The following CARD6 variants were observed in gnomAD, a reference collection of about 807,000 sequenced individuals.
CARD6 encodes the protein caspase recruitment domain family member 6, also known as caspase recruitment domain-containing protein 6.
In CARD6, 27 loss-of-function variants were observed where a neutral mutation model predicts 23.6. That is an observed-to-expected ratio of 1.14 (90% confidence interval 0.84 to 1.58). The LOEUF (loss-of-function observed/expected upper bound fraction) is 1.58, where lower values mean the gene tolerates loss of function less well. Among genes scored for constraint, CARD6 ranks in the 40% most tolerant of loss-of-function variants. CARD6 has a pLI of 0.00. For missense variants in CARD6, 1,214 were observed against 1,209.9 expected, an observed-to-expected ratio of 1.00 and a Z score of -0.05; for synonymous variants, 397 against 431.8, an observed-to-expected ratio of 0.92 and a Z score of 1.00.
rs1009913002 is a variant in CARD6 at position 40,853,465 on chromosome 5, C to T, written c.2133C>T (p.Leu711=). The change falls in exon 3 of 3, where the codon CTC becomes CTT. Residue 711 remains leucine (L), a synonymous_variant. Transcript: ENST00000254691. ...PIQEPGTQCE[L]SQNLQNLYGT... is the part of the protein sequence containing the mutation. ...AAGAGCCTGGGACTCAATGTGAGCTCAGCCAGAATCTTCAGAATCTCTATG... is the reference window on the plus strand; with the variant it reads ...AAGAGCCTGGGACTCAATGTGAGCTTAGCCAGAATCTTCAGAATCTCTATG... The T allele has an allele frequency of 5.3e-5, 85 of 1,614,096 alleles. No homozygotes were observed. Among genetic ancestry groups the T allele is most frequent in the Non-Finnish European group, 6.8e-5 (80 of 1,180,046 alleles).
In CARD6 at chr5:40,841,379, A is replaced by G; in HGVS notation, c.-4A>G. ...TATTTCCTGGTTTAGAGGAAACAGG[A>G]ACAATGGCTACCGAGAGTACTCCCT... On this transcript the variant is annotated 5_prime_UTR_variant, in exon 1 of 3. Transcript: ENST00000254691. The G allele has an allele frequency of 6.3e-7, 1 of 1,589,008 alleles. No homozygotes were observed. The highest frequency in any genetic ancestry group is 8.5e-7 in the Non-Finnish European group (1 of 1,171,012).
rs1376445488 is a variant in CARD6 at position 40,853,265 on chromosome 5, G to A, written c.1933G>A (p.Asp645Asn). The change falls in exon 3 of 3, where the codon GAT (aspartate) becomes AAT (asparagine). Residue 645 changes from aspartate to asparagine, a missense_variant. Transcript: ENST00000254691. ...SSCLRCVSVEDMAALARELGI... is the reference protein window; with the variant it reads ...SSCLRCVSVENMAALARELGI... The stretch of plus-strand genomic sequence containing the variant: ...TTGCCTCAGATGTGTGTCTGTGGAG[G>A]ATATGGCCGCCCTGGCCAGGGAGCT... 6.2e-7 allele frequency: 1 copy of A among 1,614,074 alleles called. No homozygotes were observed. Among genetic ancestry groups the A allele is most frequent in the Non-Finnish European group, 8.5e-7 (1 of 1,180,036 alleles).
Position 40,841,813 on chromosome 5 carries a change from C to T in CARD6, c.283+148C>T, listed in dbSNP as rs1745866869. On this transcript the variant is annotated intron_variant, in intron 1 of 2. Transcript: ENST00000254691. ...CATTGAAATATGAAATAGGGAAAAA[C>T]TGGAATTTAAAAAGTTTCTGAAATT... is the stretch of plus-strand genomic sequence containing the variant. The T allele has an allele frequency of 1.4e-5, 10 of 705,394 alleles. No individual in the cohort carries two copies. The South Asian group carries it at 1.8e-4, about 12-fold the overall frequency. 43.7% of individuals were successfully genotyped at this position (705,394 alleles called of 1,614,324 possible). A position where few individuals can be genotyped will look rare whatever the true frequency, so the allele number is the denominator to read the frequency against.
At chr5:40,844,118 T>C (rs1579800732) in intron 2 of CARD6, among the ~76,000 whole-genome samples, 1 of 152,224 alleles carries the variant, frequency 6.6e-6, no homozygotes, top group African/African-American at 2.4e-5. Context: ...GGTTTGACTA[T>C]TTAAGTGAAA....
At chr5:40,851,666 A>C (rs180870111) in intron 2 of CARD6, among the ~76,000 whole-genome samples, 1 of 151,872 alleles carries the variant, frequency 6.6e-6, no homozygotes, top group Non-Finnish European at 1.5e-5. Flanking sequence ...AAATACAAAA[A>C]TTAGCCGGGC....
At position 40,852,882 on chromosome 5, in the gene CARD6, G is replaced by T. The variant is rs774841187; in HGVS notation, c.1550G>T (p.Arg517Ile). ...ITWCFPDSDD[R>I]KENPFFQKPV... is the part of the protein sequence containing the mutation. ...TGGTGTTTTCCTGATAGCGATGATA[G>T]AAAGGAAAACCCCTTTTTCCAAAAG... Residue 517 changes from arginine to isoleucine, a missense_variant, in exon 3 of 3, where the codon AGA (arginine) becomes ATA (isoleucine). Coordinates refer to ENST00000254691, the MANE Select transcript of CARD6 (RefSeq NM_032587.4). 1 of 1,613,894 alleles carries T rather than the reference G, an allele frequency of 6.2e-7. No homozygotes were observed.
At chr5:40,851,580 A>C (rs998939097) in intron 2 of CARD6, among the ~76,000 whole-genome samples, 3 of 151,818 alleles carry the variant, frequency 2.0e-5, no homozygotes, top group African/African-American at 7.2e-5. Context: ...GCACTTTGGG[A>C]GGCTGAGGCA....
chr5:40,844,422 G>A lies in CARD6; in HGVS notation c.841+713G>A, dbSNP rs837389. Among the ~76,000 whole-genome samples the A allele has an allele frequency of 9.6e-4, 146 of 151,968 alleles. 1 individual carries two copies. In the East Asian group the frequency reaches 0.023, roughly 23 times the overall value. ...CTAATTTTGTATTTTGTAAAGATGG[G>A]ATTTTGCCATGTTGCTCAGGCTGGT... On this transcript the variant is annotated intron_variant, in intron 2 of 2. Transcript: ENST00000254691.
Position 40,841,420 on chromosome 5 carries a change from G to T in CARD6, c.38G>T (p.Arg13Ile). ...TESTPSEIIERERKKLLEILQ... is the reference protein window; with the variant it reads ...TESTPSEIIEIERKKLLEILQ... ...AGTACTCCCTCAGAGATCATAGAAA[G>T]AGAAAGAAAAAAGTTGCTTGAAATC... is the stretch of plus-strand genomic sequence containing the variant. The change falls in exon 1 of 3, where the codon AGA becomes ATA. Residue 13 changes from arginine to isoleucine, a missense_variant. By Grantham distance (97) the Arg-to-Ile change is moderately conservative. Coordinates refer to ENST00000254691, the MANE Select transcript of CARD6 (RefSeq NM_032587.4). The T allele has an allele frequency of 3.7e-6, 6 of 1,612,282 alleles. No individual in the cohort carries two copies. Among genetic ancestry groups the T allele is most frequent in the Non-Finnish European group, 5.1e-6 (6 of 1,179,456 alleles).
rs1458278716 is a variant in CARD6 at position 40,843,287 on chromosome 5, T to A, written c.419T>A (p.Leu140Ter). 1 of 1,614,016 alleles carries A rather than the reference T, an allele frequency of 6.2e-7. No individual in the cohort carries two copies. Among genetic ancestry groups the A allele is most frequent in the East Asian group, 2.2e-5 (1 of 44,888 alleles). ...GTGTTCTTCAGTGAGAAGGAACACT[T>A]GGATTTGGAAACCTCTGAGTTTTTC... ...ITVFFSEKEH[L>*]DLETSEFFRD... Residue 140 changes from leucine (L) to a stop codon, truncating the protein, a stop_gained, in exon 2 of 3, where the codon TTG (leucine) becomes TAG (stop). Coordinates refer to ENST00000254691, the MANE Select transcript of CARD6 (RefSeq NM_032587.4). LOFTEE classifies it high-confidence loss of function.
chr5:40,850,721 C>CAAAAAAAA (rs34372703), intron 2 of CARD6, among the ~76,000 whole-genome samples: 1 of 46,528 alleles, frequency 2.1e-5, no homozygotes, highest in Non-Finnish European at 3.6e-5. Flanking sequence ...ACTCCGTCTC[C>CAAAAAAAA]AAAAAAAAAA....
intron 2 of CARD6, among the ~76,000 whole-genome samples, chr5:40,847,468 A>G (rs181742189): frequency 1.1e-4 from 16 of 152,200 alleles, no homozygotes; most frequent in Admixed American, 2.0e-4. Flanking sequence ...TTTTCATTTT[A>G]TATTATTTTC....
chr5:40,850,413 C>CAAAAAAAAAA lies in CARD6; in HGVS notation c.842-1750_842-1741dup, dbSNP rs70988813. 2.0e-3 allele frequency among the ~76,000 whole-genome samples: 72 copies of CAAAAAAAAAA among 36,592 alleles called. 8 individuals are homozygous for CAAAAAAAAAA. Among genetic ancestry groups the CAAAAAAAAAA allele is most frequent in the African/African-American group, 6.8e-3 (50 of 7,320 alleles). 24.0% of individuals were successfully genotyped at this position (36,592 alleles called of 152,430 possible). A position where few individuals can be genotyped will look rare whatever the true frequency, so the allele number is the denominator to read the frequency against. On this transcript the variant is annotated intron_variant, in intron 2 of 2. Coordinates refer to ENST00000254691, the MANE Select transcript of CARD6 (RefSeq NM_032587.4). ...TGGGTGACAGAGTGACACTCCATCT[C>CAAAAAAAAAA]AAAAAAAAAAAAAAAAAAAAGCCAG...
chr5:40,852,617 A>G lies in CARD6; in HGVS notation c.1285A>G (p.Lys429Glu), dbSNP rs776882109. The change falls in exon 3 of 3, where the codon AAG becomes GAG. Residue 429 changes from lysine to glutamate, a missense_variant. Physicochemically the swap from Lys to Glu is moderately conservative, Grantham distance 56 (BLOSUM62 1). Coordinates refer to ENST00000254691, the MANE Select transcript of CARD6 (RefSeq NM_032587.4). ...GCTGGGGGCCATGAAAGACATTGTG[A>G]AGAAGCAGTCAACACAGTTTTCAGG... is the stretch of plus-strand genomic sequence containing the variant. ...LMLGAMKDIV[K>E]KQSTQFSGGP... 1 of 1,614,192 alleles carries G rather than the reference A, an allele frequency of 6.2e-7. No homozygotes were observed. Among genetic ancestry groups the G allele is most frequent in the Non-Finnish European group, 8.5e-7 (1 of 1,180,042 alleles).
intron 2 of CARD6, among the ~76,000 whole-genome samples, chr5:40,850,287 G>A (rs192317273): frequency 2.7e-5 from 4 of 150,894 alleles, no homozygotes; most frequent in African/African-American, 4.9e-5. Flanking sequence ...GGTGGCACCC[G>A]CATATGGTCC....
chr5:40,852,184 G>A lies in CARD6; in HGVS notation c.852G>A (p.Lys284=), dbSNP rs1419316080. ...TCTTCTCTCCTACAGAAAGAAAAAAGGTGTTTAAAGATGTCCTGTTATGTT... is the reference window on the plus strand; with the variant it reads ...TCTTCTCTCCTACAGAAAGAAAAAAAGTGTTTAAAGATGTCCTGTTATGTT... ...EQEKSIEERK[K]VFKDVLLCLN... is the part of the protein sequence containing the mutation. Residue 284 remains lysine, a synonymous_variant, in exon 3 of 3, where the codon AAG becomes AAA. Coordinates refer to ENST00000254691, the MANE Select transcript of CARD6 (RefSeq NM_032587.4). 6.3e-7 allele frequency: 1 copy of A among 1,597,966 alleles called. No individual in the cohort carries two copies. The highest frequency in any genetic ancestry group is 8.5e-7 in the Non-Finnish European group (1 of 1,170,166).
chr5:40,843,410 A>G lies in CARD6; in HGVS notation c.542A>G (p.Glu181Gly). 1 of 1,614,134 alleles carries G rather than the reference A, an allele frequency of 6.2e-7. No individual in the cohort carries two copies. The highest frequency in any genetic ancestry group is 8.5e-7 in the Non-Finnish European group (1 of 1,180,002). ...GAAGTCACATTATCATATTCAGTTG[A>G]GAAAGTTGGATGTGAAGTTCCAGCA... ...TPEVTLSYSVEKVGCEVPATI... is the reference protein window; with the variant it reads ...TPEVTLSYSVGKVGCEVPATI... The change falls in exon 2 of 3, where the codon GAG becomes GGG. Residue 181 changes from glutamate to glycine, a missense_variant. Physicochemically the swap from Glu to Gly is moderately conservative, Grantham distance 98 (BLOSUM62 -2). Transcript: ENST00000254691.
intron 1 of CARD6, 25 bp from the exon 2 acceptor site, chr5:40,843,127 G>A (rs766423146): frequency 7.9e-6 from 12 of 1,510,160 alleles, no homozygotes; most frequent in Middle Eastern, 1.8e-4. Flanking sequence ...TTCTTAATTG[G>A]GAAAAACAAT....
At position 40,854,575 on chromosome 5, in the gene CARD6, A is replaced by G. The variant is rs116091063; in HGVS notation, c.*129A>G. The G allele has an allele frequency of 5.2e-6, 4 of 763,834 alleles. No individual in the cohort carries two copies. The highest frequency in any genetic ancestry group is 5.2e-5 in the African/African-American group (3 of 57,382). The allele number at this position is 763,834 out of a possible 1,614,324, so 47.3% of individuals were successfully genotyped here. On this transcript the variant is annotated 3_prime_UTR_variant, in exon 3 of 3. Transcript: ENST00000254691. ...GCATGTAAAACAAAGAAAGATATACATGACTGAATTGGATATCTTTGTTTG... is the reference window on the plus strand; with the variant it reads ...GCATGTAAAACAAAGAAAGATATACGTGACTGAATTGGATATCTTTGTTTG...
Sources: allele counts gnomAD v4.1 joint callset (sites outside exome capture counted in the v4.1 genomes callset), GRCh38; gene constraint gnomAD v4.1.1; transcripts MANE v1.5; gene names NCBI Gene and HGNC (gene_info 2026-07-23, HGNC 2026-07-21).